The following CDH12 variants were observed in gnomAD, a reference collection of about 807,000 sequenced individuals.
The protein encoded by CDH12 is cadherin-12.
CDH12 carries 41 observed loss-of-function variants against 74.1 expected under a neutral mutation model. That is an observed-to-expected ratio of 0.55 (90% confidence interval 0.43 to 0.72). The LOEUF is 0.72. CDH12 is among the 30% of genes least tolerant of loss of function. The pLI is 0.00. For missense variants in CDH12, 945 were observed against 977.2 expected, an observed-to-expected ratio of 0.97 and a Z score of 0.44; for synonymous variants, 399 against 355.0, an observed-to-expected ratio of 1.12 and a Z score of -1.39.
At chr5:22,829,058 T>C (rs997879622) in intron 1 of CDH12, among the ~76,000 whole-genome samples, 13 of 152,208 alleles carry the variant, frequency 8.5e-5, no homozygotes, top group Admixed American at 6.5e-4. Context: ...ATTCTCATTA[T>C]TGAATAAACT....
chr5:22,350,906 A>G (rs143353668), intron 3 of CDH12, among the ~76,000 whole-genome samples: 1,797 of 152,290 alleles, frequency 0.012, 37 homozygotes, highest in African/African-American at 0.04. Context: ...AGAGGAGTAG[A>G]GAGTTTTCAC....
intron 3 of CDH12, among the ~76,000 whole-genome samples, chr5:22,260,841 T>C (rs950318526): frequency 6.6e-6 from 1 of 151,922 alleles, no homozygotes; most frequent in Non-Finnish European, 1.5e-5. Flanking sequence ...TTTTTATAAG[T>C]GGGAATGACT....
At chr5:22,512,765 C>T (rs945955106) in intron 1 of CDH12, among the ~76,000 whole-genome samples, 3 of 152,072 alleles carry the variant, frequency 2.0e-5, no homozygotes. Context: ...ATGTTACTAA[C>T]ATCAAAAATA....
chr5:22,469,308 G>T (rs1288356325), intron 2 of CDH12, among the ~76,000 whole-genome samples: 1 of 152,190 alleles, frequency 6.6e-6, no homozygotes, highest in African/African-American at 2.4e-5. Flanking sequence ...TTGTATCACA[G>T]TTCTGGAGGC....
intron 6 of CDH12, among the ~76,000 whole-genome samples, chr5:21,931,926 C>T (rs1457679817): frequency 6.6e-6 from 1 of 152,110 alleles, no homozygotes; most frequent in Non-Finnish European, 1.5e-5. Context: ...AAAAATCATG[C>T]TGTTGATAGC....
intron 1 of CDH12, among the ~76,000 whole-genome samples, chr5:22,786,721 T>C (rs748979761): frequency 1.3e-4 from 19 of 146,240 alleles, no homozygotes; most frequent in Non-Finnish European, 2.7e-4. Context: ...TTTCTTTCTG[T>C]TTTTTTTTCT....
At chr5:22,199,513 G>T (rs561800003) in intron 4 of CDH12, among the ~76,000 whole-genome samples, 1 of 152,272 alleles carries the variant, frequency 6.6e-6, no homozygotes, top group Admixed American at 6.5e-5. Context: ...TGTGTTAACT[G>T]TTTTCATTCC....
At chr5:22,185,565 G>A (rs1327854822) in intron 4 of CDH12, among the ~76,000 whole-genome samples, 1 of 152,212 alleles carries the variant, frequency 6.6e-6, no homozygotes, top group East Asian at 1.9e-4. Flanking sequence ...GCCATTCACA[G>A]TGTGTCCCTT....
At chr5:22,390,912 T>A (rs935195929) in intron 3 of CDH12, among the ~76,000 whole-genome samples, 1 of 152,070 alleles carries the variant, frequency 6.6e-6, no homozygotes, top group Non-Finnish European at 1.5e-5. Context: ...CTTGCTCAGA[T>A]GTTAATGTGA....
At chr5:21,975,479 T>G (rs1367115633) in intron 5 of CDH12, 94 bp from the exon 6 acceptor site, 10 of 828,498 alleles carry the variant, frequency 1.2e-5, no homozygotes, top group Admixed American at 5.5e-5. Context: ...AAGTCATAAT[T>G]TGCAATACAA....
intron 4 of CDH12, among the ~76,000 whole-genome samples, chr5:22,163,045 C>G (rs1250384690): frequency 6.6e-6 from 1 of 151,964 alleles, no homozygotes; most frequent in South Asian, 2.1e-4. Flanking sequence ...TACAAGCGCC[C>G]GTCACCGCGC....
At chr5:22,444,751 G>T (rs1744759334) in intron 2 of CDH12, among the ~76,000 whole-genome samples, 1 of 151,710 alleles carries the variant, frequency 6.6e-6, no homozygotes, top group Non-Finnish European at 1.5e-5. Flanking sequence ...TTATATGGAG[G>T]AATATTTCAG....
intron 1 of CDH12, among the ~76,000 whole-genome samples, chr5:22,787,723 C>G (rs1359071031): frequency 6.6e-6 from 1 of 152,112 alleles, no homozygotes; most frequent in African/African-American, 2.4e-5. Flanking sequence ...GCTCTCGCTA[C>G]AAACATTTTA....
chr5:21,922,938 G>GTATCTATATCTATATCTA (rs10644202), intron 6 of CDH12, among the ~76,000 whole-genome samples: 4,021 of 145,884 alleles, frequency 0.028, 83 homozygotes, highest in African/African-American at 0.032. Context: ...GTGTGTATGT[G>GTATCTATATCTATATCTA]TATCTATATC....
intron 1 of CDH12, among the ~76,000 whole-genome samples, chr5:22,614,495 C>A (rs868055360): frequency 3.0e-5 from 1 of 33,094 alleles, no homozygotes. Flanking sequence ...TTGCAATGGT[C>A]GTAAGGTGCT....
chr5:22,320,687 A>G (rs1738837132), intron 3 of CDH12, among the ~76,000 whole-genome samples: 1 of 152,224 alleles, frequency 6.6e-6, no homozygotes, highest in Admixed American at 6.5e-5. Flanking sequence ...TTCACATGAG[A>G]TCGTTTGCTT....
At chr5:22,420,759 T>C (rs1383051710) in intron 2 of CDH12, among the ~76,000 whole-genome samples, 10 of 152,152 alleles carry the variant, frequency 6.6e-5, no homozygotes, top group African/African-American at 1.7e-4. Flanking sequence ...GGGAATATCA[T>C]TGAATCTATA....
chr5:21,937,923 T>C (rs1289952797), intron 6 of CDH12, among the ~76,000 whole-genome samples: 1 of 152,092 alleles, frequency 6.6e-6, no homozygotes, highest in Non-Finnish European at 1.5e-5. Flanking sequence ...TTGAAGACAA[T>C]TGTCTTCCTT....
chr5:22,214,904 G>GT (rs970600818), intron 3 of CDH12, among the ~76,000 whole-genome samples: 35 of 152,164 alleles, frequency 2.3e-4, no homozygotes, highest in Middle Eastern at 3.2e-3. Flanking sequence ...CTCTTCAGTA[G>GT]TTTTTTTAAC....
Sources: gnomAD v4.1 joint callset for allele counts (sites outside exome capture counted in the v4.1 genomes callset) on GRCh38, gnomAD v4.1.1 for gene constraint, MANE v1.5 for transcripts, NCBI Gene and HGNC (gene_info 2026-07-23, HGNC 2026-07-21) for gene names.